The following RBFOX2 variants were observed in gnomAD, a reference collection of about 807,000 sequenced individuals.
The protein encoded by RBFOX2 is RNA binding protein fox-1 homolog 2.
RBFOX2 carries 10 observed loss-of-function variants against 49.1 expected under a neutral mutation model. The observed-to-expected ratio is 0.20, with a 90% CI of 0.13 to 0.35. RBFOX2 has a LOEUF of 0.35. Among genes scored for constraint, RBFOX2 ranks in the 10% least tolerant of loss-of-function variants. The pLI, the probability that RBFOX2 is intolerant of heterozygous loss-of-function variation, is 1.00. For missense variants in RBFOX2, 323 were observed against 486.9 expected (o/e 0.66, Z 3.17); for synonymous variants, 183 against 187.4 (o/e 0.98, Z 0.19).
Position 35,990,614 on chromosome 22 carries a change from G to T in RBFOX2, c.186+37626C>A, listed in dbSNP as rs753300336. 6.6e-5 allele frequency among the ~76,000 whole-genome samples: 10 copies of T among 152,318 alleles called. 1 individual carries two copies. In the Middle Eastern group the frequency reaches 0.01, roughly 155 times the overall value. On this transcript the variant is annotated intron_variant, in intron 1 of 13. Coordinates refer to the RBFOX2 transcript ENST00000438146. ...CCTTAGAATAGTTGGTGAAAGAGAA[G>T]AAAGGCAATGAAACAGATTAATTAG...
chr22:35,939,086 A>G, upstream of RBFOX2: 1 of 701,818 alleles, frequency 1.4e-6, no homozygotes, highest in Non-Finnish European at 2.6e-6. Context: ...AACAAAAAAC[A>G]GTATTTGCTT....
At chr22:36,026,291 A>AAAGAACATCCAC (rs59794191) in intron 1 of RBFOX2, among the ~76,000 whole-genome samples, 1 of 150,694 alleles carries the variant, frequency 6.6e-6, no homozygotes, top group African/African-American at 2.5e-5. Context: ...GAAAGAAAAT[A>AAAGAACATCCAC]AAATACAAGA....
intron 1 of RBFOX2, among the ~76,000 whole-genome samples, chr22:35,969,890 C>G (rs1468601117): frequency 2.0e-5 from 3 of 152,328 alleles, no homozygotes; most frequent in Admixed American, 1.3e-4. Flanking sequence ...TGAAACAAAG[C>G]TAGCTGTGTG....
intron 1 of RBFOX2, among the ~76,000 whole-genome samples, chr22:35,872,011 T>C (rs1422814485): frequency 1.3e-5 from 2 of 152,136 alleles, no homozygotes; most frequent in African/African-American, 4.8e-5. Flanking sequence ...GAATGACAAT[T>C]TTAAGCAAGA....
At chr22:35,894,010 A>C (rs748803951) in intron 1 of RBFOX2, among the ~76,000 whole-genome samples, 15 of 152,128 alleles carry the variant, frequency 9.9e-5, no homozygotes, top group South Asian at 6.2e-4. Context: ...ACAACTAAAA[A>C]TTGCAGGCGG....
rs1483273708 is a variant in RBFOX2, at chr22:35,768,914, G to T, written c.454-565C>A. ...GCTTTTATCACTATTAATTCCTTTG[G>T]GAACAGGATAACTTAGGGCATAGTC... is the stretch of plus-strand genomic sequence containing the variant. On this transcript the variant is annotated intron_variant, in intron 4 of 11. Coordinates refer to ENST00000405409, the Ensembl canonical transcript of RBFOX2. Among the ~76,000 whole-genome samples the T allele has an allele frequency of 2.6e-5, 4 of 151,974 alleles. No homozygotes were observed. The East Asian group carries it at 7.7e-4, about 29-fold the overall frequency.
At chr22:35,850,075 G>A (rs535632368) in intron 1 of RBFOX2, among the ~76,000 whole-genome samples, 1 of 152,118 alleles carries the variant, frequency 6.6e-6, no homozygotes, top group East Asian at 1.9e-4. Context: ...GTGCGTCAGA[G>A]AATACTCCCA....
chr22:35,974,300 A>T (rs1437003968), intron 1 of RBFOX2, among the ~76,000 whole-genome samples: 1 of 151,970 alleles, frequency 6.6e-6, no homozygotes, highest in Non-Finnish European at 1.5e-5. Context: ...GATTTTCTGA[A>T]CTCCTACATC....
intron 1 of RBFOX2, among the ~76,000 whole-genome samples, chr22:35,972,229 C>T (rs547656724): frequency 2.4e-4 from 37 of 152,110 alleles, no homozygotes; most frequent in South Asian, 1.0e-3. Flanking sequence ...AAGTGGCCTG[C>T]TTTTTTTAAG....
At chr22:35,843,426 T>A (rs1032953951), upstream of RBFOX2, among the ~76,000 whole-genome samples, 2 of 152,196 alleles carry the variant, frequency 1.3e-5, no homozygotes, top group East Asian at 3.9e-4. Context: ...GAGGTACTTC[T>A]CCCTGTAGTC....
intron 2 of RBFOX2, among the ~76,000 whole-genome samples, chr22:35,786,301 C>G (rs1395718673): frequency 2.0e-5 from 3 of 152,148 alleles, no homozygotes; most frequent in Admixed American, 1.3e-4. Context: ...CACCCGTCCC[C>G]CTTGTTTTTA....
intron 1 of RBFOX2, among the ~76,000 whole-genome samples, chr22:35,946,608 G>A (rs1199428011): frequency 6.6e-6 from 1 of 152,022 alleles, no homozygotes; most frequent in Non-Finnish European, 1.5e-5. Flanking sequence ...ATAGTCTATG[G>A]GAATAAATCC....
rs1222637701 is a variant in RBFOX2 at position 36,003,964 on chromosome 22, G to A, written c.186+24276C>T. Among the ~76,000 whole-genome samples the A allele has an allele frequency of 2.6e-5, 4 of 152,312 alleles. No homozygotes were observed. The East Asian group carries it at 7.7e-4, about 29-fold the overall frequency. On this transcript the variant is annotated intron_variant, in intron 1 of 13. Coordinates refer to the RBFOX2 transcript ENST00000438146. The stretch of plus-strand genomic sequence containing the variant: ...GGCCAGATAATTCTTCATTGTGGGA[G>A]ACTCTCTTGTGCACTTTAGGATGTT...
chr22:35,975,929 T>C (rs1179412006), intron 1 of RBFOX2, among the ~76,000 whole-genome samples: 2 of 152,184 alleles, frequency 1.3e-5, no homozygotes, highest in South Asian at 2.1e-4. Context: ...GTGAAGGATA[T>C]AAAGAATAAC....
At chr22:35,891,886 T>C (rs919696939) in intron 1 of RBFOX2, among the ~76,000 whole-genome samples, 2 of 150,012 alleles carry the variant, frequency 1.3e-5, no homozygotes, top group Admixed American at 6.6e-5. Context: ...ATAATGGGGA[T>C]TTTTCTCCAT....
At chr22:36,028,438 C>G (rs2059535706) in exon 1 of RBFOX2, 1 of 1,197,756 alleles carries the variant, frequency 8.3e-7, no homozygotes, top group Admixed American at 4.5e-5. Context: ...GCCCGCGCCC[C>G]CCTCGCCTCC....
intron 2 of RBFOX2, among the ~76,000 whole-genome samples, chr22:35,804,738 C>A (rs1950396968): frequency 6.6e-6 from 1 of 151,610 alleles, no homozygotes; most frequent in Admixed American, 6.6e-5. Flanking sequence ...TTCCAGCAGG[C>A]CTAAAAAAAA....
chr22:35,769,627 A>G (rs1942088402), intron 4 of RBFOX2, among the ~76,000 whole-genome samples: 1 of 152,112 alleles, frequency 6.6e-6, no homozygotes, highest in African/African-American at 2.4e-5. Context: ...CAATAACTTC[A>G]TTGTCCTGCT....
chr22:35,759,801 C>G lies in RBFOX2; in HGVS notation c.887+87G>C. 1 of 1,557,354 alleles carries G rather than the reference C, an allele frequency of 6.4e-7. No homozygotes were observed. Among genetic ancestry groups the G allele is most frequent in the South Asian group, 1.1e-5 (1 of 87,218 alleles). On this transcript the variant is annotated intron_variant, in intron 9 of 11. Coordinates refer to ENST00000405409, the Ensembl canonical transcript of RBFOX2. This position sits in a 1 kb window ranked among gnomAD's most constrained non-coding sequence, Gnocchi z 4.6. ...TGCCTACTCTGTGACACGGCAACAT[C>G]CCAGAAGTTATGAAAGGGCCATGGT...
Sources: gnomAD v4.1 joint callset for allele counts (sites outside exome capture counted in the v4.1 genomes callset) on GRCh38, gnomAD v4.1.1 for gene constraint, Gnocchi (gnomAD v3.1) non-coding constraint, MANE v1.5 for transcripts, NCBI Gene and HGNC (gene_info 2026-07-23, HGNC 2026-07-21) for gene names.